PCBP2: variants seen among roughly 807,000 people sequenced by gnomAD.
PCBP2 encodes poly(rC) binding protein 2, also known as poly(rC)-binding protein 2.
A neutral mutation model predicts 50.1 loss-of-function variants in PCBP2; 4 were observed. The observed-to-expected ratio is 0.08, with a 90% CI of 0.04 to 0.18. PCBP2 has a LOEUF of 0.18. Among genes scored for constraint, PCBP2 ranks in the 10% least tolerant of loss-of-function variants. The pLI, the probability that PCBP2 is intolerant of heterozygous loss-of-function variation, is 1.00. For synonymous variants in PCBP2, 179 were observed against 168.0 expected, an observed-to-expected ratio of 1.07 and a Z score of -0.51; for missense variants, 161 against 474.3, an observed-to-expected ratio of 0.34 and a Z score of 6.14.
chr12:53,462,294 A>T (rs1941503654), intron 7 of PCBP2, among the ~76,000 whole-genome samples, 199 bp from the exon 8 acceptor site: 1 of 152,252 alleles, frequency 6.6e-6, no homozygotes, highest in Non-Finnish European at 1.5e-5. Flanking sequence ...TGAATTGTGT[A>T]GTCCTTGGAC....
At chr12:53,452,590 C>T (rs1197198359) in intron 1 of PCBP2, among the ~76,000 whole-genome samples, 1 of 151,608 alleles carries the variant, frequency 6.6e-6, no homozygotes, top group Non-Finnish European at 1.5e-5. Context: ...CCCCCCTCCC[C>T]CCGCCTTTTC....
At chr12:53,476,890 C>G (rs1388246676) in intron 14 of PCBP2, among the ~76,000 whole-genome samples, 1 of 152,088 alleles carries the variant, frequency 6.6e-6, no homozygotes, top group Non-Finnish European at 1.5e-5. Flanking sequence ...CATGCTGATA[C>G]CATCTCCCCC....
In PCBP2 at chr12:53,475,190, C is replaced by A. The variant is rs967053024; in HGVS notation, c.1052+3383C>A. 6 of 456,404 alleles carry A rather than the reference C, an allele frequency of 1.3e-5. No homozygotes were observed. The East Asian group carries it at 4.2e-4, about 32-fold the overall frequency. 28.3% of individuals were successfully genotyped at this position (456,404 alleles called of 1,614,324 possible). On this transcript the variant is annotated intron_variant, in intron 14 of 14. Transcript: ENST00000546463. Reference sequence around the variant, plus strand: ...CATGTGTAACTAACAAACTGAAAGGCGAGAAACAGAGATTCTCTCCCTACT... The same window carrying A: ...CATGTGTAACTAACAAACTGAAAGGAGAGAAACAGAGATTCTCTCCCTACT...
chr12:53,461,565 G>A (rs1037587362), intron 7 of PCBP2, among the ~76,000 whole-genome samples: 5 of 152,184 alleles, frequency 3.3e-5, no homozygotes, highest in Non-Finnish European at 7.3e-5. Context: ...GTAGAAAAAT[G>A]TATGTATGAT....
At chr12:53,477,390 G>T (rs1026074904) in intron 14 of PCBP2, among the ~76,000 whole-genome samples, 1 of 152,026 alleles carries the variant, frequency 6.6e-6, no homozygotes, top group African/African-American at 2.4e-5. Flanking sequence ...CCCCTGCCGG[G>T]CACGGTGGCT....
intron 6 of PCBP2, chr12:53,459,694 T>C (rs1192580705): frequency 7.8e-6 from 2 of 256,580 alleles, no homozygotes; most frequent in Non-Finnish European, 1.6e-5. Flanking sequence ...CATAGTTCTT[T>C]TTCATGTCTC....
intron 1 of PCBP2, 139 bp from the exon 2 acceptor site, chr12:53,454,587 G>A: frequency 1.8e-6 from 1 of 562,812 alleles, no homozygotes; most frequent in Non-Finnish European, 3.2e-6. Context: ...ATGCAGTTGT[G>A]CTTGGTGTGT....
intron 6 of PCBP2, chr12:53,460,145 C>CTT (rs35129195): frequency 2.0e-3 from 386 of 189,790 alleles, no homozygotes; most frequent in South Asian, 3.9e-3. Context: ...AATTCTACAT[C>CTT]TTTTTTTTTT....
At chr12:53,464,104 C>T (rs1420446948) in intron 8 of PCBP2, among the ~76,000 whole-genome samples, 1 of 152,150 alleles carries the variant, frequency 6.6e-6, no homozygotes, top group Non-Finnish European at 1.5e-5. Context: ...GGCCCAGAGT[C>T]AGTGTCGCCA....
In PCBP2 at chr12:53,452,357, C is replaced by T. The variant is rs553682361; in HGVS notation, c.-95C>T. ...TTCCCGCCCGCTCCCCTTTTCCCCT[C>T]AGTCGCCTCGCGCCTGCAGGTAAGC... On this transcript the variant is annotated 5_prime_UTR_variant, in exon 1 of 15. Transcript: ENST00000546463. 3 of 146,454 alleles carry T rather than the reference C, an allele frequency of 2.0e-5. No individual in the cohort carries two copies. The highest frequency in any genetic ancestry group is 6.8e-5 in the Admixed American group (1 of 14,606). 9.1% of individuals were successfully genotyped at this position (146,454 alleles called of 1,614,324 possible). A position where few individuals can be genotyped will look rare whatever the true frequency, so the allele number is the denominator to read the frequency against.
chr12:53,466,886 G>T (rs1022787098), intron 10 of PCBP2, among the ~76,000 whole-genome samples: 1 of 152,024 alleles, frequency 6.6e-6, no homozygotes, highest in African/African-American at 2.4e-5. Flanking sequence ...TAGCCTGTCT[G>T]TGCTTGTCCC....
intron 7 of PCBP2, among the ~76,000 whole-genome samples, chr12:53,461,610 A>AATCAGGATTATAAT (rs1941452849): frequency 6.6e-6 from 1 of 152,234 alleles, no homozygotes; most frequent in South Asian, 2.1e-4. Flanking sequence ...TCCTGATTAT[A>AATCAGGATTATAAT]CACTATTATT....
chr12:53,465,042 C>CTTT, intron 9 of PCBP2, 190 bp downstream of exon 9: 32 of 391,082 alleles, frequency 8.2e-5, no homozygotes, highest in South Asian at 1.9e-4. Flanking sequence ...GTAACACCAA[C>CTTT]TTTTTTTTTT....
chr12:53,452,464 G>C (rs1010167507), intron 1 of PCBP2, 88 bp downstream of exon 1: 4 of 150,636 alleles, frequency 2.7e-5, no homozygotes, highest in Admixed American at 2.0e-4. Flanking sequence ...TCCTAGTCAC[G>C]AGCCGCGGTC....
In PCBP2 at chr12:53,470,600, A is replaced by T. The variant is rs935611434; in HGVS notation, c.883-1038A>T. 2.7e-5 allele frequency among the ~76,000 whole-genome samples: 4 copies of T among 146,556 alleles called. No homozygotes were observed. In the East Asian group the frequency reaches 1.3e-3, roughly 48 times the overall value. On this transcript the variant is annotated intron_variant, in intron 13 of 14. Coordinates refer to ENST00000546463, the MANE Select transcript of PCBP2 (RefSeq NM_031989.5). Reference sequence around the variant, plus strand: ...TTTTTGTATTTTTTTTGTAAAGACAAGAGTTTCGCCATGAAACTCCTGAAC... The same window carrying T: ...TTTTTGTATTTTTTTTGTAAAGACATGAGTTTCGCCATGAAACTCCTGAAC...
chr12:53,476,217 C>G (rs1295599958), intron 14 of PCBP2: 1 of 152,190 alleles, frequency 6.6e-6, no homozygotes, highest in Non-Finnish European at 1.5e-5. Flanking sequence ...TGGCCGTATC[C>G]TTTCTGCTCC....
intron 8 of PCBP2, among the ~76,000 whole-genome samples, chr12:53,463,976 C>G (rs951869047): frequency 6.6e-6 from 1 of 152,098 alleles, no homozygotes; most frequent in African/African-American, 2.4e-5. Flanking sequence ...ACAGGAAGGT[C>G]GGTTATGTCA....
At chr12:53,455,260 C>T (rs1005301715) in intron 2 of PCBP2, 87 bp from the exon 3 acceptor site, 25 of 1,265,454 alleles carry the variant, frequency 2.0e-5, no homozygotes, top group Admixed American at 1.1e-4. Flanking sequence ...TTCATTAGAA[C>T]ATGTAGAAAA....
At chr12:53,458,309 G>A (rs1592641658) in intron 5 of PCBP2, among the ~76,000 whole-genome samples, 1 of 47,854 alleles carries the variant, frequency 2.1e-5, no homozygotes, top group Admixed American at 2.7e-4. Context: ...TTTTGTTTTT[G>A]TTTTGTTTTG....
Sources: allele counts gnomAD v4.1 joint callset (sites outside exome capture counted in the v4.1 genomes callset), GRCh38; gene constraint gnomAD v4.1.1; transcripts MANE v1.5; gene names NCBI Gene and HGNC (gene_info 2026-07-23, HGNC 2026-07-21).